The following SLCO3A1 variants were observed in gnomAD, a reference collection of about 807,000 sequenced individuals.
SLCO3A1 encodes solute carrier organic anion transporter family member 3A1.
Under a neutral mutation model 63.1 loss-of-function variants are expected in SLCO3A1, and 27 were observed. The observed-to-expected ratio is 0.43, with a 90% CI of 0.32 to 0.59. SLCO3A1 has a LOEUF of 0.59. Among genes scored for constraint, SLCO3A1 ranks in the 20% least tolerant of loss-of-function variants. SLCO3A1 has a pLI of 0.09. For synonymous variants in SLCO3A1, 473 were observed against 409.9 expected (o/e 1.15, Z -1.86); for missense variants, 773 against 945.8 (o/e 0.82, Z 2.40).
chr15:91,940,433 C>T (rs530339991), intron 2 of SLCO3A1, among the ~76,000 whole-genome samples: 98 of 152,296 alleles, frequency 6.4e-4, no homozygotes, highest in Middle Eastern at 3.4e-3. Flanking sequence ...GAGGTTGTAG[C>T]CAGTCCCCAG....
rs1899646090 is a variant in SLCO3A1, at chr15:91,942,227, C to T, written c.646+25769C>T. ...ACCCCTCAATATTTTATATTTGACT[C>T]TTCTGTGAAATCCAAAAATGTAGCA... On this transcript the variant is annotated intron_variant, in intron 2 of 9. Coordinates refer to ENST00000318445, the MANE Select transcript of SLCO3A1 (RefSeq NM_013272.4). The surrounding 1 kb of genome is among the most constrained non-coding windows in gnomAD (Gnocchi z 4.1). Among the ~76,000 whole-genome samples, 1 of 152,152 alleles carries T rather than the reference C, an allele frequency of 6.6e-6. No homozygotes were observed. The highest frequency in any genetic ancestry group is 1.5e-5 in the Non-Finnish European group (1 of 68,026).
intron 2 of SLCO3A1, among the ~76,000 whole-genome samples, chr15:91,932,605 G>A (rs150966805): frequency 1.4e-3 from 212 of 152,190 alleles, no homozygotes; most frequent in Middle Eastern, 3.4e-3. Context: ...ACCATACCCA[G>A]CTAATTGTTG....
intron 2 of SLCO3A1, among the ~76,000 whole-genome samples, chr15:92,000,403 TAA>T (rs56354930): frequency 1.3e-4 from 18 of 138,240 alleles, no homozygotes; most frequent in Non-Finnish European, 2.1e-4. Context: ...CCTTTTTTTT[TAA>T]AAAAAAAAAA....
At chr15:91,929,942 A>G (rs751501854) in intron 2 of SLCO3A1, among the ~76,000 whole-genome samples, 3 of 152,156 alleles carry the variant, frequency 2.0e-5, no homozygotes, top group East Asian at 1.9e-4. Context: ...CCATTCATCT[A>G]TGAATGGACA....
At chr15:92,017,478 G>A (rs1313237828) in intron 2 of SLCO3A1, among the ~76,000 whole-genome samples, 1 of 152,162 alleles carries the variant, frequency 6.6e-6, no homozygotes, top group Non-Finnish European at 1.5e-5. Context: ...GGCGGGGAAG[G>A]GCTGGACACG....
intron 2 of SLCO3A1, among the ~76,000 whole-genome samples, chr15:91,940,437 T>A (rs8037463): frequency 0.74 from 112,103 of 152,076 alleles, 41,790 homozygotes; most frequent in East Asian, 0.98. Context: ...TTGTAGCCAG[T>A]CCCCAGGGGC....
intron 1 of SLCO3A1, among the ~76,000 whole-genome samples, chr15:91,898,285 A>G (rs1307061322): frequency 1.3e-5 from 2 of 152,220 alleles, no homozygotes; most frequent in East Asian, 1.9e-4. Context: ...CAATGCCTCT[A>G]TTCTAGACGC....
chr15:91,874,562 C>T (rs1283537378), intron 1 of SLCO3A1, among the ~76,000 whole-genome samples: 2 of 152,232 alleles, frequency 1.3e-5, no homozygotes, highest in Admixed American at 1.3e-4. Context: ...AAGTTGGGGG[C>T]TGGGTCAGAA....
At chr15:92,074,918 ATTCCGGG>A (rs1300359976) in intron 2 of SLCO3A1, among the ~76,000 whole-genome samples, 1 of 152,216 alleles carries the variant, frequency 6.6e-6, no homozygotes. Flanking sequence ...AGTGAGGTGG[ATTCCGGG>A]TCCTCTGGAT....
intron 2 of SLCO3A1, among the ~76,000 whole-genome samples, chr15:91,963,850 C>A: frequency 6.6e-6 from 1 of 152,100 alleles, no homozygotes; most frequent in East Asian, 1.9e-4. Context: ...AAGAACAAAG[C>A]TTCCACGGCG....
At chr15:91,985,673 T>C (rs955105761) in intron 2 of SLCO3A1, among the ~76,000 whole-genome samples, 30 of 152,280 alleles carry the variant, frequency 2.0e-4, no homozygotes, top group East Asian at 9.6e-4. Flanking sequence ...CGTCAGACAA[T>C]GGGGTCCCTC....
intron 2 of SLCO3A1, among the ~76,000 whole-genome samples, chr15:91,994,577 TTGA>T (rs1189319690): frequency 1.3e-5 from 2 of 150,468 alleles, no homozygotes; most frequent in Non-Finnish European, 3.0e-5. Flanking sequence ...AATCAGGTGA[TTGA>T]TGAAGTGCAG....
chr15:91,934,831 G>T (rs930596882), intron 2 of SLCO3A1, among the ~76,000 whole-genome samples: 5 of 152,172 alleles, frequency 3.3e-5, no homozygotes, highest in African/African-American at 1.2e-4. Flanking sequence ...CCAGTGAGTT[G>T]TATAATTCCG....
intron 2 of SLCO3A1, among the ~76,000 whole-genome samples, chr15:92,027,438 T>C (rs1199301789): frequency 6.6e-6 from 1 of 152,234 alleles, no homozygotes; most frequent in African/African-American, 2.4e-5. Flanking sequence ...TTTTCGATAT[T>C]GTGGATGAGC....
At position 92,104,922 on chromosome 15, in the gene SLCO3A1, G is replaced by A. The variant is rs559069943; in HGVS notation, c.1009+380G>A. Among the ~76,000 whole-genome samples, 122 of 151,874 alleles carry A rather than the reference G, an allele frequency of 8.0e-4. 4 individuals carry two copies. The highest frequency in any genetic ancestry group is 5.9e-4 in the Admixed American group (9 of 15,278). On this transcript the variant is annotated intron_variant, in intron 4 of 9. Transcript: ENST00000318445. ...AGGAATTTTGAAGTTGGCTTCCTTT[G>A]CCTGATATCAGCATTCTTTGAAAAG... is the stretch of plus-strand genomic sequence containing the variant.
At chr15:92,172,126 A>T (rs1415558259) in exon 11 of SLCO3A1, 1 of 372,252 alleles carries the variant, frequency 2.7e-6, no homozygotes, top group East Asian at 4.5e-5. Context: ...CCTGGTGTGC[A>T]AATTCCCTTC....
At chr15:92,128,292 G>A in intron 6 of SLCO3A1, 59 bp from the exon 7 acceptor site, 3 of 1,605,698 alleles carry the variant, frequency 1.9e-6, no homozygotes, top group Non-Finnish European at 2.6e-6. Flanking sequence ...TGTCACTGGG[G>A]GCATCTGATT....
chr15:91,917,474 TTTTCTCTGTGTC>T (rs1384885665), intron 2 of SLCO3A1, among the ~76,000 whole-genome samples: 2 of 152,188 alleles, frequency 1.3e-5, no homozygotes, highest in Non-Finnish European at 2.9e-5. Flanking sequence ...AAATGCAGAT[TTTTCTCTGTGTC>T]TTTCTGGCCC....
At chr15:91,955,892 A>T (rs1297885219) in intron 2 of SLCO3A1, among the ~76,000 whole-genome samples, 1 of 152,226 alleles carries the variant, frequency 6.6e-6, no homozygotes, top group African/African-American at 2.4e-5. Context: ...GTGTGAGTTC[A>T]TAATGCCTAG....
Sources: gnomAD v4.1 joint callset for allele counts (sites outside exome capture counted in the v4.1 genomes callset) on GRCh38, gnomAD v4.1.1 for gene constraint, Gnocchi (gnomAD v3.1) non-coding constraint, MANE v1.5 for transcripts, NCBI Gene and HGNC (gene_info 2026-07-23, HGNC 2026-07-21) for gene names.